ADAM7: variants seen among roughly 807,000 people sequenced by gnomAD.
ADAM7 encodes ADAM metallopeptidase domain 7.
Under a neutral mutation model 102.9 loss-of-function variants are expected in ADAM7, and 97 were observed. The ratio of observed to expected loss-of-function variants is 0.94; its 90% confidence interval spans 0.80 to 1.12. The LOEUF is 1.12. Ranked by LOEUF, ADAM7 falls within the 50% of genes most tolerant of loss-of-function variation. The probability of loss-of-function intolerance (pLI) is 0.00; values close to 1 mark genes in which losing one functional copy is unlikely to be tolerated. For synonymous variants in ADAM7, 334 were observed against 304.4 expected (o/e 1.10, Z -1.01); for missense variants, 991 against 908.7 (o/e 1.09, Z -1.16).
chr8:24,441,546 A>T (rs1762695034), intron 1 of ADAM7, among the ~76,000 whole-genome samples: 1 of 152,206 alleles, frequency 6.6e-6, no homozygotes, highest in Non-Finnish European at 1.5e-5. Flanking sequence ...CACACAATAA[A>T]TTGGTAAAGG....
intron 6 of ADAM7, chr8:24,467,377 GTTTT>G: frequency 4.2e-6 from 1 of 239,132 alleles, no homozygotes. Flanking sequence ...TCATTCAAAT[GTTTT>G]AATGGTTAAG....
intron 5 of ADAM7, 25 bp downstream of exon 5, chr8:24,465,800 C>T: frequency 6.5e-7 from 1 of 1,528,518 alleles, no homozygotes. Context: ...CTTTCTTTTT[C>T]CTTTATGAGT....
chr8:24,441,258 CG>C, intron 1 of ADAM7, 98 bp downstream of exon 1: 1 of 1,227,496 alleles, frequency 8.1e-7, no homozygotes, highest in Non-Finnish European at 1.2e-6. Context: ...AAACATTAAA[CG>C]TTGATGATTT....
chr8:24,492,150 C>CTGTTA (rs1337429928), intron 14 of ADAM7, 52 bp downstream of exon 14: 1 of 1,533,946 alleles, frequency 6.5e-7, no homozygotes, highest in East Asian at 2.3e-5. Context: ...CTCTATTTCT[C>CTGTTA]TGTTATTGCC....
At chr8:24,482,035 C>T in intron 8 of ADAM7, 107 bp from the exon 9 acceptor site, 3 of 819,470 alleles carry the variant, frequency 3.7e-6, no homozygotes, top group Non-Finnish European at 5.5e-6. Context: ...TAATGTACCT[C>T]ACAAGTTCAA....
At chr8:24,475,893 A>G (rs984494952) in intron 7 of ADAM7, 1 of 456,400 alleles carries the variant, frequency 2.2e-6, no homozygotes, top group Non-Finnish European at 4.4e-6. Flanking sequence ...TAGACTGGAC[A>G]TGAAAAGTCT....
chr8:24,487,057 C>CCAT, intron 10 of ADAM7, 130 bp from the exon 11 acceptor site: 1 of 931,934 alleles, frequency 1.1e-6, no homozygotes, highest in Non-Finnish European at 1.5e-6. Flanking sequence ...GTAACTGAGT[C>CCAT]CATGCCTTTT....
At chr8:24,444,692 A>C (rs551022931) in intron 2 of ADAM7, among the ~76,000 whole-genome samples, 19 of 151,858 alleles carry the variant, frequency 1.3e-4, no homozygotes, top group African/African-American at 3.9e-4. Flanking sequence ...AAAAAAAAAA[A>C]CACAAAAAAA....
chr8:24,445,928 C>G (rs1223272933), intron 2 of ADAM7, among the ~76,000 whole-genome samples: 3 of 152,188 alleles, frequency 2.0e-5, no homozygotes, highest in African/African-American at 7.2e-5. Context: ...CTTGTAATAT[C>G]CCTGGCACAG....
chr8:24,474,082 C>T (rs73547062), intron 7 of ADAM7, among the ~76,000 whole-genome samples: 101 of 152,122 alleles, frequency 6.6e-4, no homozygotes, highest in African/African-American at 2.2e-3. Context: ...TTCATTGTCA[C>T]CAGATTTCTT....
chr8:24,442,515 C>A lies in ADAM7; in HGVS notation c.95C>A (p.Pro32His), dbSNP rs1325745667. 6.2e-7 allele frequency: 1 copy of A among 1,614,028 alleles called. No homozygotes were observed. The highest frequency in any genetic ancestry group is 8.5e-7 in the Non-Finnish European group (1 of 1,179,982). Residue 32 changes from proline (P) to histidine (H), a missense_variant, in exon 2 of 22, where the codon CCT becomes CAT. Coordinates refer to ENST00000175238, the MANE Select transcript of ADAM7 (RefSeq NM_003817.4). ...GTAGAGGGTCAACAACTGGTTCGTCCTAAAAAGCTTCCTCTGATACAGAAG... is the reference window on the plus strand; with the variant it reads ...GTAGAGGGTCAACAACTGGTTCGTCATAAAAAGCTTCCTCTGATACAGAAG... ...LGVEGQQLVR[P>H]KKLPLIQKRD... is the part of the protein sequence containing the mutation.
chr8:24,453,354 T>G (rs998428727), intron 3 of ADAM7, among the ~76,000 whole-genome samples: 1 of 152,146 alleles, frequency 6.6e-6, no homozygotes, highest in Non-Finnish European at 1.5e-5. Flanking sequence ...TCATTTCTTT[T>G]TATTCTTTTT....
intron 7 of ADAM7, among the ~76,000 whole-genome samples, chr8:24,474,037 A>C (rs2129385248): frequency 6.6e-6 from 1 of 152,278 alleles, no homozygotes. Flanking sequence ...AAATGTTGGC[A>C]GTTTTCCTCC....
intron 17 of ADAM7, 46 bp downstream of exon 17, chr8:24,499,362 T>G: frequency 2.7e-6 from 4 of 1,457,576 alleles, no homozygotes; most frequent in Non-Finnish European, 3.8e-6. Flanking sequence ...CAGCCATATA[T>G]TTACTTTATT....
intron 8 of ADAM7, among the ~76,000 whole-genome samples, chr8:24,479,618 A>C (rs1340637216): frequency 2.0e-5 from 3 of 152,062 alleles, no homozygotes; most frequent in Non-Finnish European, 4.4e-5. Flanking sequence ...ATGGAGGCCC[A>C]TGGAGATCAA....
At chr8:24,470,749 A>G (rs960393171) in intron 7 of ADAM7, among the ~76,000 whole-genome samples, 32 of 152,328 alleles carry the variant, frequency 2.1e-4, no homozygotes, top group African/African-American at 6.7e-4. Context: ...AGTATAGCAC[A>G]TACAATTATG....
intron 12 of ADAM7, among the ~76,000 whole-genome samples, chr8:24,489,685 TTTTA>T (rs1820272812): frequency 6.6e-6 from 1 of 152,148 alleles, no homozygotes; most frequent in Non-Finnish European, 1.5e-5. Flanking sequence ...CTCAATCAAG[TTTTA>T]TTTATTAACT....
chr8:24,486,367 T>C (rs566518768), intron 10 of ADAM7, among the ~76,000 whole-genome samples: 107 of 152,334 alleles, frequency 7.0e-4, no homozygotes, highest in African/African-American at 2.2e-3. Context: ...TTTAAGTTTT[T>C]CCCATAATAG....
At chr8:24,443,742 A>C (rs997012874) in intron 2 of ADAM7, among the ~76,000 whole-genome samples, 3 of 152,108 alleles carry the variant, frequency 2.0e-5, no homozygotes, top group Admixed American at 6.5e-5. Flanking sequence ...GTTCAAGACC[A>C]GCCTGGCCAA....
Sources: gnomAD v4.1 joint callset for allele counts (sites outside exome capture counted in the v4.1 genomes callset) on GRCh38, gnomAD v4.1.1 for gene constraint, MANE v1.5 for transcripts, NCBI Gene and HGNC (gene_info 2026-07-23, HGNC 2026-07-21) for gene names.